The following RBFOX1 variants were observed in gnomAD, a reference collection of about 807,000 sequenced individuals.
The protein encoded by RBFOX1 is RNA binding protein fox-1 homolog 1.
Under a neutral mutation model 57.7 loss-of-function variants are expected in RBFOX1, and 8 were observed. That is an observed-to-expected ratio of 0.14 (90% CI 0.08 to 0.25). The LOEUF (loss-of-function observed/expected upper bound fraction) is 0.25. RBFOX1 is among the 10% of genes least tolerant of loss of function. The pLI, the probability that RBFOX1 is intolerant of heterozygous loss-of-function variation, is 1.00. For missense variants in RBFOX1, 611 were observed against 548.5 expected, an observed-to-expected ratio of 1.11 and a Z score of -1.14; for synonymous variants, 326 against 222.4, an observed-to-expected ratio of 1.47 and a Z score of -4.15.
At chr16:7,354,127 C>A (rs560758601) in intron 4 of RBFOX1, among the ~76,000 whole-genome samples, 1 of 152,072 alleles carries the variant, frequency 6.6e-6, no homozygotes, top group East Asian at 1.9e-4. Context: ...TCTGCCACCA[C>A]GCCCAGCTAA....
chr16:7,193,621 G>C (rs1164619460), intron 4 of RBFOX1, among the ~76,000 whole-genome samples: 2 of 152,152 alleles, frequency 1.3e-5, no homozygotes, highest in African/African-American at 2.4e-5. Context: ...ACTACATTGT[G>C]TATTCTGCTT....
Position 6,874,655 on chromosome 16 carries a change from C to A in RBFOX1, c.-15-177402C>A, listed in dbSNP as rs776839509. Among the ~76,000 whole-genome samples the A allele has an allele frequency of 2.6e-5, 4 of 152,082 alleles. No homozygotes were observed. The East Asian group carries it at 7.7e-4, about 29-fold the overall frequency. ...CTTATCTCCCACTTACAATGGTTTT[C>A]CATTCCCGAGTTCCTTAACATTGTG... On this transcript the variant is annotated intron_variant, in intron 3 of 15. Coordinates refer to ENST00000550418, the MANE Select transcript of RBFOX1 (RefSeq NM_018723.4).
intron 3 of RBFOX1, among the ~76,000 whole-genome samples, chr16:5,617,103 T>G (rs2048050750): frequency 6.6e-6 from 1 of 151,570 alleles, no homozygotes; most frequent in Non-Finnish European, 1.5e-5. Context: ...CACTCCCTCC[T>G]TCCCTCCCTC....
chr16:7,518,320 T>A lies in RBFOX1; in HGVS notation c.201T>A (p.Pro67=), dbSNP rs757485949. The change falls in exon 5 of 16, where the codon CCT becomes CCA. Residue 67 remains proline (P), a synonymous_variant. Transcript: ENST00000550418. ...TVPEHTLNLY[P]PAQTHSEQSP... is the part of the protein sequence containing the mutation. ...CCGAGCACACATTAAACCTGTACCC[T>A]CCCGCCCAGACGCACTCCGAGCAGA... is the stretch of plus-strand genomic sequence containing the variant. The A allele has an allele frequency of 8.1e-6, 13 of 1,613,634 alleles. No homozygotes were observed. Among genetic ancestry groups the A allele is most frequent in the Non-Finnish European group, 9.3e-6 (11 of 1,179,890 alleles).
At chr16:5,336,167 T>G (rs1450243090) in intron 1 of RBFOX1, among the ~76,000 whole-genome samples, 3 of 152,106 alleles carry the variant, frequency 2.0e-5, no homozygotes, top group Admixed American at 6.5e-5. Context: ...GTTTCCAACT[T>G]GGGAGCCAAA....
At chr16:7,546,834 A>G (rs548422807) in intron 5 of RBFOX1, among the ~76,000 whole-genome samples, 66 of 152,294 alleles carry the variant, frequency 4.3e-4, no homozygotes, top group Admixed American at 3.3e-3. Context: ...ACTGTGACAA[A>G]TATCACCTTG....
intron 2 of RBFOX1, among the ~76,000 whole-genome samples, chr16:6,485,703 A>G (rs955696885): frequency 4.1e-4 from 62 of 152,256 alleles, no homozygotes; most frequent in African/African-American, 1.5e-3. Context: ...CTATGTAAAA[A>G]GAGCAGAATC....
chr16:5,978,684 T>TG (rs2060115898), intron 4 of RBFOX1, among the ~76,000 whole-genome samples: 1 of 151,990 alleles, frequency 6.6e-6, no homozygotes, highest in Non-Finnish European at 1.5e-5. Context: ...GTTTGTTTTT[T>TG]TTTTTGTTGT....
chr16:6,787,239 A>G (rs192753944), intron 3 of RBFOX1, among the ~76,000 whole-genome samples: 12 of 152,264 alleles, frequency 7.9e-5, no homozygotes, highest in Admixed American at 3.3e-4. Flanking sequence ...AGCATTCTCT[A>G]TGCAGTTCCC....
At chr16:5,460,044 A>T (rs1203587152) in intron 1 of RBFOX1, among the ~76,000 whole-genome samples, 1 of 152,210 alleles carries the variant, frequency 6.6e-6, no homozygotes, top group Admixed American at 6.5e-5. Context: ...GTTTCCTAAA[A>T]GTCAATGATG....
Position 6,698,352 on chromosome 16 carries a change from C to T in RBFOX1, c.-16+43702C>T, listed in dbSNP as rs369136301. Among the ~76,000 whole-genome samples the T allele has an allele frequency of 1.1e-4, 17 of 152,238 alleles. No individual in the cohort carries two copies. In the South Asian group the frequency reaches 3.1e-3, roughly 28 times the overall value. On this transcript the variant is annotated intron_variant, in intron 3 of 15. Coordinates refer to ENST00000550418, the MANE Select transcript of RBFOX1 (RefSeq NM_018723.4). ...ATGTGGGAAAGTCTGCATTGATCTT[C>T]AAGTGCAAATTTTTAAGAGAACACA...
At chr16:6,895,448 G>A (rs7196478) in intron 3 of RBFOX1, among the ~76,000 whole-genome samples, 13,074 of 52,538 alleles carry the variant, frequency 0.25, 1,516 homozygotes, top group Admixed American at 0.32. Context: ...GTGTGTGTGT[G>A]TATATATATA....
At chr16:7,533,104 G>T (rs983097752) in intron 5 of RBFOX1, among the ~76,000 whole-genome samples, 5 of 152,212 alleles carry the variant, frequency 3.3e-5, no homozygotes, top group African/African-American at 9.6e-5. Context: ...CGCCAGCACT[G>T]CCTGTAGGGT....
intron 4 of RBFOX1, among the ~76,000 whole-genome samples, chr16:7,280,243 A>G (rs905304342): frequency 6.6e-6 from 1 of 152,184 alleles, no homozygotes; most frequent in African/African-American, 2.4e-5. Context: ...AAAATGAGCA[A>G]GCTTGTGTTT....
intron 3 of RBFOX1, among the ~76,000 whole-genome samples, chr16:5,814,485 A>G (rs1385877633): frequency 6.6e-6 from 1 of 152,162 alleles, no homozygotes; most frequent in Non-Finnish European, 1.5e-5. Flanking sequence ...GGTTAGTTGA[A>G]TCTTCCCCAG....
intron 1 of RBFOX1, among the ~76,000 whole-genome samples, chr16:6,250,548 T>C (rs77808996): frequency 6.6e-6 from 1 of 152,068 alleles, no homozygotes; most frequent in Admixed American, 6.6e-5. Context: ...TCTGTGGTAT[T>C]TCAACCAGGA....
At position 7,332,255 on chromosome 16, in the gene RBFOX1, G is replaced by A. The variant is rs114573491; in HGVS notation, c.28-185892G>A. On this transcript the variant is annotated intron_variant, in intron 4 of 15. Transcript: ENST00000550418. The stretch of plus-strand genomic sequence containing the variant: ...TGTTTCCCATTTGTTATATGGGACT[G>A]ATAATAGTACTGACTTCAGAGACTT... Among the ~76,000 whole-genome samples the A allele has an allele frequency of 2.6e-3, 395 of 152,302 alleles. 1 individual carries two copies. Among genetic ancestry groups the A allele is most frequent in the African/African-American group, 9.3e-3 (387 of 41,562 alleles).
At chr16:6,899,167 T>C (rs967337670) in intron 3 of RBFOX1, among the ~76,000 whole-genome samples, 2 of 144,350 alleles carry the variant, frequency 1.4e-5, no homozygotes, top group Admixed American at 6.9e-5. Flanking sequence ...GTAACATGTG[T>C]ATGTGTGTGT....
At chr16:5,917,510 G>T (rs1287366349) in intron 4 of RBFOX1, among the ~76,000 whole-genome samples, 1 of 152,208 alleles carries the variant, frequency 6.6e-6, no homozygotes, top group Non-Finnish European at 1.5e-5. Context: ...AGTCAAAGAA[G>T]ACGGGAATTC....
Sources: allele counts gnomAD v4.1 joint callset (sites outside exome capture counted in the v4.1 genomes callset), GRCh38; gene constraint gnomAD v4.1.1; transcripts MANE v1.5; gene names NCBI Gene and HGNC (gene_info 2026-07-23, HGNC 2026-07-21).